PPP1R16B: variants seen among roughly 807,000 people sequenced by gnomAD.
The protein encoded by PPP1R16B is protein phosphatase 1 regulatory inhibitor subunit 16B.
PPP1R16B carries 14 observed loss-of-function variants against 61.7 expected under a neutral mutation model. The observed-to-expected ratio is 0.23, with a 90% confidence interval of 0.15 to 0.35. PPP1R16B has a LOEUF of 0.35. Ranked by LOEUF, PPP1R16B falls within the 10% of genes least tolerant of loss-of-function variation. The probability of loss-of-function intolerance (pLI) is 1.00; values close to 1 mark genes in which losing one functional copy is unlikely to be tolerated. For synonymous variants in PPP1R16B, 266 were observed against 305.3 expected, an observed-to-expected ratio of 0.87 and a Z score of 1.34; for missense variants, 547 against 752.5, an observed-to-expected ratio of 0.73 and a Z score of 3.19.
intron 2 of PPP1R16B, among the ~76,000 whole-genome samples, chr20:38,853,778 A>G (rs1352308027): frequency 6.6e-6 from 1 of 152,210 alleles, no homozygotes; most frequent in Non-Finnish European, 1.5e-5. Flanking sequence ...GGCTACAGGT[A>G]GCTGCTGGGT....
chr20:38,909,972 C>A (rs982190691), intron 10 of PPP1R16B, among the ~76,000 whole-genome samples: 1 of 152,042 alleles, frequency 6.6e-6, no homozygotes, highest in East Asian at 1.9e-4. Context: ...GCAGACAAAT[C>A]TTTTTTTATT....
At chr20:38,811,441 A>T (rs2145701980) in intron 1 of PPP1R16B, among the ~76,000 whole-genome samples, 2 of 152,350 alleles carry the variant, frequency 1.3e-5, no homozygotes, top group Middle Eastern at 6.8e-3. Context: ...TAATTTTAGC[A>T]TCTTCAATAA....
At chr20:38,877,929 T>C (rs1297351116) in intron 2 of PPP1R16B, among the ~76,000 whole-genome samples, 1 of 149,816 alleles carries the variant, frequency 6.7e-6, no homozygotes, top group African/African-American at 2.5e-5. Context: ...TTGGAATATA[T>C]CTCTTGTAAG....
chr20:38,855,990 G>GGA (rs2085006724), intron 2 of PPP1R16B, among the ~76,000 whole-genome samples: 1 of 109,068 alleles, frequency 9.2e-6, no homozygotes, highest in Admixed American at 9.2e-5. Flanking sequence ...AGAAGGAGGA[G>GGA]GAGAGAGACC....
At chr20:38,808,002 C>G (rs2084673575) in intron 1 of PPP1R16B, among the ~76,000 whole-genome samples, 2 of 152,184 alleles carry the variant, frequency 1.3e-5, no homozygotes, top group South Asian at 4.1e-4. Flanking sequence ...AGGTTAAATT[C>G]TAATCTAGCT....
intron 2 of PPP1R16B, among the ~76,000 whole-genome samples, chr20:38,869,155 A>AT (rs11435986): frequency 0.57 from 85,037 of 150,504 alleles, 24,169 homozygotes; most frequent in South Asian, 0.72. Flanking sequence ...TAGCCATTTT[A>AT]TTTTTTTTTA....
intron 3 of PPP1R16B, among the ~76,000 whole-genome samples, chr20:38,894,144 G>A (rs1372105848): frequency 8.1e-6 from 1 of 123,038 alleles, no homozygotes; most frequent in Non-Finnish European, 1.6e-5. Flanking sequence ...CGCAAAGACC[G>A]GCTGGCGCAG....
At chr20:38,912,500 C>G (rs74774270) in intron 10 of PPP1R16B, among the ~76,000 whole-genome samples, 3,979 of 134,366 alleles carry the variant, frequency 0.03, 64 homozygotes, top group Middle Eastern at 0.071. Flanking sequence ...CTCTACCCCC[C>G]ACCAAAAAAA....
At chr20:38,823,961 C>G (rs537181619) in intron 1 of PPP1R16B, among the ~76,000 whole-genome samples, 1 of 152,010 alleles carries the variant, frequency 6.6e-6, no homozygotes, top group African/African-American at 2.4e-5. Context: ...ATTAAAAATA[C>G]TTAACTAATG....
At chr20:38,893,716 C>A (rs2085309638) in intron 3 of PPP1R16B, among the ~76,000 whole-genome samples, 1 of 152,072 alleles carries the variant, frequency 6.6e-6, no homozygotes, top group African/African-American at 2.4e-5. Context: ...CAGCCCCCAA[C>A]GCAGCCCTTA....
intron 2 of PPP1R16B, among the ~76,000 whole-genome samples, chr20:38,888,465 G>A (rs1351256034): frequency 6.6e-6 from 1 of 152,218 alleles, no homozygotes; most frequent in African/African-American, 2.4e-5. Flanking sequence ...CTGGATCCAG[G>A]GAAGATCCTA....
intron 2 of PPP1R16B, among the ~76,000 whole-genome samples, chr20:38,884,572 G>T (rs2085228727): frequency 6.6e-6 from 1 of 152,236 alleles, no homozygotes; most frequent in Non-Finnish European, 1.5e-5. Flanking sequence ...CTGCCTGCCA[G>T]ATTTGGCTCA....
chr20:38,840,615 C>T (rs1449769635), intron 2 of PPP1R16B, among the ~76,000 whole-genome samples: 2 of 152,218 alleles, frequency 1.3e-5, no homozygotes, highest in Admixed American at 1.3e-4. Context: ...TTGAGTCCAG[C>T]GTGATCTCTG....
intron 2 of PPP1R16B, among the ~76,000 whole-genome samples, chr20:38,860,251 C>T (rs904089375): frequency 4.7e-5 from 7 of 149,070 alleles, no homozygotes; most frequent in Non-Finnish European, 7.4e-5. Context: ...TAAAGGCATG[C>T]GCCACCATGC....
intron 2 of PPP1R16B, among the ~76,000 whole-genome samples, chr20:38,865,148 G>A (rs537474410): frequency 1.3e-5 from 2 of 152,116 alleles, no homozygotes; most frequent in Non-Finnish European, 1.5e-5. Context: ...CTGGGGCCCC[G>A]GTTGAGGGAA....
At chr20:38,811,677 C>T (rs1267857405) in intron 1 of PPP1R16B, among the ~76,000 whole-genome samples, 1 of 152,154 alleles carries the variant, frequency 6.6e-6, no homozygotes, top group Non-Finnish European at 1.5e-5. Flanking sequence ...GCAGTTTGAC[C>T]CTCCCCAGGG....
intron 1 of PPP1R16B, among the ~76,000 whole-genome samples, chr20:38,834,872 CA>C (rs906536636): frequency 5.9e-5 from 9 of 151,378 alleles, no homozygotes; most frequent in Non-Finnish European, 7.4e-5. Context: ...TTTTTCAAAA[CA>C]AAAAAAATTT....
intron 2 of PPP1R16B, among the ~76,000 whole-genome samples, chr20:38,862,352 A>G (rs910121491): frequency 3.3e-5 from 5 of 152,102 alleles, no homozygotes; most frequent in Non-Finnish European, 7.4e-5. Flanking sequence ...ACTATTATAC[A>G]CCCATTTTAT....
At chr20:38,909,496 C>G (rs2085472215) in intron 10 of PPP1R16B, among the ~76,000 whole-genome samples, 1 of 152,252 alleles carries the variant, frequency 6.6e-6, no homozygotes, top group South Asian at 2.1e-4. Flanking sequence ...AGCATGGCTG[C>G]TTTCTTGCTG....
Sources: allele counts gnomAD v4.1 joint callset (sites outside exome capture counted in the v4.1 genomes callset), GRCh38; gene constraint gnomAD v4.1.1; transcripts MANE v1.5; gene names NCBI Gene and HGNC (gene_info 2026-07-23, HGNC 2026-07-21).